The following XDH variants were observed in gnomAD, a reference collection of about 807,000 sequenced individuals.
The protein encoded by XDH is xanthine dehydrogenase/oxidase.
XDH carries 138 observed loss-of-function variants against 156.1 expected under a neutral mutation model. The observed-to-expected ratio is 0.88, with a 90% CI of 0.77 to 1.02. The LOEUF (loss-of-function observed/expected upper bound fraction) is 1.02. Among genes scored for constraint, XDH ranks in the 50% least tolerant of loss-of-function variants. The pLI is 0.00. For synonymous variants in XDH, 669 were observed against 625.7 expected (o/e 1.07, Z -1.03); for missense variants, 1,849 against 1,684.9 (o/e 1.10, Z -1.71).
intron 1 of XDH, among the ~76,000 whole-genome samples, chr2:31,409,837 C>A (rs116760403): frequency 0.015 from 2,265 of 152,210 alleles, 26 homozygotes; most frequent in Non-Finnish European, 0.02. Context: ...TAGGACAGTT[C>A]CACAAAAAAG....
In XDH at chr2:31,368,021, G is replaced by C; in HGVS notation, c.2137C>G (p.Leu713Val). Residue 713 changes from leucine to valine, a missense_variant, in exon 20 of 36, where the codon CTG (leucine) becomes GTG (valine). Coordinates refer to ENST00000379416, the MANE Select transcript of XDH (RefSeq NM_000379.4). ...IKNNSFYGPE[L>V]KIEKGDLKKG... ...TTTAGGTCCCCTTTCTCGATCTTCA[G>C]CTCAGGTCCATAAAAGGAGTTGTTC... 3 of 1,614,146 alleles carry C rather than the reference G, an allele frequency of 1.9e-6. No homozygotes were observed. Among genetic ancestry groups the C allele is most frequent in the Non-Finnish European group, 2.5e-6 (3 of 1,180,010 alleles).
rs369981553 is a variant in XDH at position 31,339,524 on chromosome 2, C to T, written c.3739G>A (p.Asp1247Asn). Residue 1247 changes from aspartate to asparagine, a missense_variant, in exon 34 of 36, where the codon GAC becomes AAC. Transcript: ENST00000379416. ...PIEFRVSLLR[D>N]CPNKKAIYAS... ...TAGATGGCCTTCTTGTTGGGGCAGT[C>T]GCGGAGCAGGGACACCCTGAACTCA... 2.0e-5 allele frequency: 33 copies of T among 1,614,178 alleles called. No homozygotes were observed. The African/African-American group carries it at 3.2e-4, about 16-fold the overall frequency.
chr2:31,339,609 C>T lies in XDH; in HGVS notation c.3654G>A (p.Gly1218=), dbSNP rs763066569. ...TGCTAGGGCCACGGGTGTGCAGGCT[C>T]CCCTCGGGGGAATAGTGTAGCTCCT... is the stretch of plus-strand genomic sequence containing the variant. ...TLEELHYSPE[G]SLHTRGPSTY... is the part of the protein sequence containing the mutation. The change falls in exon 34 of 36, where the codon GGG becomes GGA. Residue 1218 remains glycine (G), a synonymous_variant. Coordinates refer to ENST00000379416, the MANE Select transcript of XDH (RefSeq NM_000379.4). 3 of 1,614,012 alleles carry T rather than the reference C, an allele frequency of 1.9e-6. No individual in the cohort carries two copies. Among genetic ancestry groups the T allele is most frequent in the African/African-American group, 2.7e-5 (2 of 74,926 alleles).
At chr2:31,343,539 C>CAT (rs1162519227) in intron 31 of XDH, among the ~76,000 whole-genome samples, 1 of 140,654 alleles carries the variant, frequency 7.1e-6, no homozygotes, top group Non-Finnish European at 1.5e-5. Flanking sequence ...ATGTATAAGG[C>CAT]ATATATATAT....
At chr2:31,365,620 C>G in intron 22 of XDH, 76 bp from the exon 23 acceptor site, 1 of 1,562,650 alleles carries the variant, frequency 6.4e-7, no homozygotes, top group Admixed American at 1.7e-5. Flanking sequence ...AGAATAAAAA[C>G]AGCCGGGAAG....
intron 33 of XDH, among the ~76,000 whole-genome samples, chr2:31,340,299 A>G (rs1345231834): frequency 6.6e-6 from 1 of 152,184 alleles, no homozygotes. Context: ...ACAGTAGGGG[A>G]CCATAAATGG....
At chr2:31,350,715 A>C (rs943730550) in intron 24 of XDH, among the ~76,000 whole-genome samples, 17 of 152,170 alleles carry the variant, frequency 1.1e-4, no homozygotes, top group Non-Finnish European at 1.9e-4. Flanking sequence ...CCCCTCATTC[A>C]GCAACTCTGT....
intron 1 of XDH, among the ~76,000 whole-genome samples, chr2:31,410,842 T>C (rs1031484433): frequency 2.0e-5 from 3 of 152,188 alleles, no homozygotes; most frequent in African/African-American, 7.2e-5. Context: ...GGCAACCAAC[T>C]GCAAGGCGTA....
At chr2:31,387,265 A>C (rs1486695042) in intron 8 of XDH, among the ~76,000 whole-genome samples, 1 of 151,952 alleles carries the variant, frequency 6.6e-6, no homozygotes. Flanking sequence ...CACTTCAAAA[A>C]CTCCGAGTGG....
intron 24 of XDH, among the ~76,000 whole-genome samples, chr2:31,360,220 G>A (rs182969667): frequency 1.5e-3 from 224 of 152,324 alleles, no homozygotes; most frequent in African/African-American, 4.8e-3. Flanking sequence ...CAAGTCGGCC[G>A]GGCAAGGTGG....
intron 18 of XDH, among the ~76,000 whole-genome samples, chr2:31,369,739 G>C (rs1686023051): frequency 6.6e-6 from 1 of 152,130 alleles, no homozygotes; most frequent in Non-Finnish European, 1.5e-5. Flanking sequence ...CATATTTTTA[G>C]TTTTTTGTTA....
intron 24 of XDH, among the ~76,000 whole-genome samples, chr2:31,355,000 G>C (rs1428055992): frequency 6.6e-6 from 1 of 152,132 alleles, no homozygotes; most frequent in African/African-American, 2.4e-5. Context: ...TTAAACTTCT[G>C]AAAACTAAAG....
rs756176628 is a variant in XDH at position 31,401,292 on chromosome 2, G to A, written c.234C>T (p.Cys78=). 3.7e-6 allele frequency: 6 copies of A among 1,614,214 alleles called. No homozygotes were observed. In the East Asian group the frequency reaches 6.7e-5, roughly 18 times the overall value. Residue 78 remains cysteine, a synonymous_variant, in exon 4 of 36, where the codon TGC becomes TGT. Coordinates refer to ENST00000379416, the MANE Select transcript of XDH (RefSeq NM_000379.4). ...TTGTCACTGCAACATGGTGCAAGGAGCAGATGGGGGCCAGGCAGGCATTGG... is the reference window on the plus strand; with the variant it reads ...TTGTCACTGCAACATGGTGCAAGGAACAGATGGGGGCCAGGCAGGCATTGG... The part of the protein sequence containing the change: ...FSANACLAPI[C]SLHHVAVTTV...
chr2:31,342,455 T>G (rs1206387900), intron 31 of XDH, among the ~76,000 whole-genome samples, 158 bp from the exon 32 acceptor site: 1 of 152,196 alleles, frequency 6.6e-6, no homozygotes, highest in Non-Finnish European at 1.5e-5. Flanking sequence ...TTGAACCTGT[T>G]AACGAAACCC....
At chr2:31,392,062 T>C (rs1686779861) in intron 6 of XDH, among the ~76,000 whole-genome samples, 1 of 152,228 alleles carries the variant, frequency 6.6e-6, no homozygotes, top group Non-Finnish European at 1.5e-5. Flanking sequence ...AATTGTTTTA[T>C]TTCATCTAGG....
At position 31,372,368 on chromosome 2, in the gene XDH, GTCC is replaced by G. The variant is rs754919555; in HGVS notation, c.1713_1715del (p.Glu571del). ...GGTGGGGCAGGGGCCGGCCCACCATGTCCTCCTCAGACTGACCCTTGGGCACCT... is the reference window on the plus strand; with the variant it reads ...GGTGGGGCAGGGGCCGGCCCACCATGTCCTCAGACTGACCCTTGGGCACCT... On this transcript the variant is annotated inframe_deletion, in exon 17 of 36. Coordinates refer to ENST00000379416, the MANE Select transcript of XDH (RefSeq NM_000379.4). The G allele has an allele frequency of 3.1e-6, 5 of 1,614,116 alleles. No homozygotes were observed. Among genetic ancestry groups the G allele is most frequent in the Non-Finnish European group, 4.2e-6 (5 of 1,180,044 alleles).
intron 26 of XDH, among the ~76,000 whole-genome samples, chr2:31,349,202 T>A (rs766699454): frequency 5.9e-5 from 9 of 152,246 alleles, no homozygotes; most frequent in East Asian, 1.9e-4. Flanking sequence ...GCTGTCATCA[T>A]CTCCAGGAGG....
intron 6 of XDH, among the ~76,000 whole-genome samples, chr2:31,395,121 T>C (rs1686867223): frequency 6.6e-6 from 1 of 151,546 alleles, no homozygotes; most frequent in African/African-American, 2.4e-5. Flanking sequence ...CATGATGTAC[T>C]GGCTGAAAAG....
At chr2:31,388,863 C>A (rs925347311) in intron 6 of XDH, among the ~76,000 whole-genome samples, 5 of 152,226 alleles carry the variant, frequency 3.3e-5, no homozygotes, top group African/African-American at 1.2e-4. Flanking sequence ...CCCTTCACTC[C>A]TCACTGTGGG....
Sources: allele counts gnomAD v4.1 joint callset (sites outside exome capture counted in the v4.1 genomes callset), GRCh38; gene constraint gnomAD v4.1.1; transcripts MANE v1.5; gene names NCBI Gene and HGNC (gene_info 2026-07-23, HGNC 2026-07-21).